CPS1: variants seen among roughly 807,000 people sequenced by gnomAD.
The protein encoded by CPS1 is carbamoyl-phosphate synthase 1.
Under a neutral mutation model 174.6 loss-of-function variants are expected in CPS1, and 109 were observed. The ratio of observed to expected loss-of-function variants is 0.62; its 90% CI spans 0.53 to 0.73. The LOEUF (loss-of-function observed/expected upper bound fraction) is 0.73, where lower values mean the gene tolerates loss of function less well. CPS1 is among the 30% of genes least tolerant of loss of function. CPS1 has a pLI of 0.00. For missense variants in CPS1, 1,689 were observed against 1,821.9 expected, an observed-to-expected ratio of 0.93 and a Z score of 1.33; for synonymous variants, 637 against 632.0, an observed-to-expected ratio of 1.01 and a Z score of -0.12.
chr2:210,590,289 C>G (rs190312241), intron 8 of CPS1, 55 bp downstream of exon 8: 20 of 1,610,026 alleles, frequency 1.2e-5, no homozygotes, highest in African/African-American at 4.0e-5. Context: ...GGCTTCCGCT[C>G]TATACCCTCA....
At chr2:210,478,766 G>A in intron 1 of CPS1, among the ~76,000 whole-genome samples, 1 of 152,138 alleles carries the variant, frequency 6.6e-6, no homozygotes, top group South Asian at 2.1e-4. Context: ...TTTATCTGGA[G>A]TTTACTTCTG....
At chr2:210,636,167 A>T (rs1433169574) in intron 21 of CPS1, among the ~76,000 whole-genome samples, 1 of 152,214 alleles carries the variant, frequency 6.6e-6, no homozygotes, top group African/African-American at 2.4e-5. Context: ...ATTAACAATT[A>T]CATGAAATAG....
chr2:210,580,637 G>A (rs184762536), intron 5 of CPS1, among the ~76,000 whole-genome samples: 546 of 152,052 alleles, frequency 3.6e-3, no homozygotes, highest in African/African-American at 0.013. Context: ...TGAGGCAAAC[G>A]GATCACTTGA....
chr2:210,528,713 G>T (rs1696038258), intron 1 of CPS1, among the ~76,000 whole-genome samples: 1 of 151,730 alleles, frequency 6.6e-6, no homozygotes, highest in Admixed American at 6.6e-5. Context: ...TCATGAGTGT[G>T]GGGGAGGCAG....
At chr2:210,553,099 T>C (rs1696772909), upstream of CPS1, among the ~76,000 whole-genome samples, 1 of 151,722 alleles carries the variant, frequency 6.6e-6, no homozygotes, top group African/African-American at 2.4e-5. Flanking sequence ...AAATGGAATA[T>C]TTTGTAATCA....
chr2:210,512,694 C>A (rs1695530234), intron 1 of CPS1, among the ~76,000 whole-genome samples: 1 of 129,548 alleles, frequency 7.7e-6, no homozygotes, highest in African/African-American at 2.9e-5. Flanking sequence ...TTTGGTAGAA[C>A]AATTTATTTT....
chr2:210,614,857 G>A (rs1194076291), intron 20 of CPS1, among the ~76,000 whole-genome samples: 3 of 151,668 alleles, frequency 2.0e-5, no homozygotes, highest in Non-Finnish European at 4.4e-5. Context: ...GCACAGGGAG[G>A]GGAACATTTC....
At chr2:210,662,584 G>T (rs963879418) in intron 32 of CPS1, among the ~76,000 whole-genome samples, 2 of 152,238 alleles carry the variant, frequency 1.3e-5, no homozygotes, top group African/African-American at 4.8e-5. Flanking sequence ...TCATATGAAA[G>T]TTCTGCACAA....
At chr2:210,577,812 T>A (rs938776990) in intron 4 of CPS1, among the ~76,000 whole-genome samples, 2 of 152,096 alleles carry the variant, frequency 1.3e-5, no homozygotes, top group East Asian at 3.9e-4. Flanking sequence ...AGCAATTGAG[T>A]CTTTTACTCT....
At chr2:210,597,829 T>TATATATATATATATATATATATATATAC (rs1559096946) in intron 13 of CPS1, among the ~76,000 whole-genome samples, 6 of 150,452 alleles carry the variant, frequency 4.0e-5, no homozygotes, top group African/African-American at 1.5e-4. Flanking sequence ...CCTTCATATA[T>TATATATATATATATATATATATATATAC]ATACACACAC....
rs80299657 is a variant in CPS1, at chr2:210,676,504, G to A, written c.4275-503G>A. 1.6e-3 allele frequency among the ~76,000 whole-genome samples: 236 copies of A among 152,216 alleles called. 1 individual carries two copies. The highest frequency in any genetic ancestry group is 5.5e-3 in the African/African-American group (227 of 41,538). ...TCTATGCAATATGTTATTTGTTAGC[G>A]TTCTTGAGAAACCAACACATAAATT... On this transcript the variant is annotated intron_variant, in intron 36 of 37. Transcript: ENST00000233072.
At chr2:210,669,953 G>T (rs905615806) in intron 34 of CPS1, among the ~76,000 whole-genome samples, 1 of 152,112 alleles carries the variant, frequency 6.6e-6, no homozygotes, top group African/African-American at 2.4e-5. Flanking sequence ...TTCTAGTGCT[G>T]CAGGGAAATG....
chr2:210,587,493 T>A (rs1698147584), intron 6 of CPS1, among the ~76,000 whole-genome samples: 1 of 152,080 alleles, frequency 6.6e-6, no homozygotes, highest in East Asian at 1.9e-4. Flanking sequence ...ATCTACCATT[T>A]AAATGCAAAC....
intron 15 of CPS1, among the ~76,000 whole-genome samples, chr2:210,601,131 A>G (rs577950768): frequency 1.3e-5 from 2 of 152,080 alleles, no homozygotes; most frequent in South Asian, 4.1e-4. Context: ...ACATTTTAGA[A>G]TAAAATGGAT....
At position 210,577,401 on chromosome 2, in the gene CPS1, A is replaced by G; in HGVS notation, c.382-20A>G. ...AATATCTTGTGATAACCTCTTTAAA[A>G]TGACTGTCTGTCTTTCTAGGTTTCA... On this transcript the variant is annotated intron_variant, in intron 3 of 37. Coordinates refer to ENST00000233072, the MANE Select transcript of CPS1 (RefSeq NM_001875.5). The G allele has an allele frequency of 3.1e-6, 5 of 1,587,544 alleles. No homozygotes were observed. The highest frequency in any genetic ancestry group is 3.5e-6 in the Non-Finnish European group (4 of 1,155,890).
intron 21 of CPS1, among the ~76,000 whole-genome samples, chr2:210,636,979 G>T (rs1346447465): frequency 6.6e-6 from 1 of 152,200 alleles, no homozygotes; most frequent in Non-Finnish European, 1.5e-5. Context: ...GTAAGTAGAG[G>T]TAATTTAGGG....
intron 1 of CPS1, among the ~76,000 whole-genome samples, chr2:210,483,009 T>G (rs551037759): frequency 1.3e-4 from 20 of 152,202 alleles, no homozygotes; most frequent in Non-Finnish European, 2.5e-4. Flanking sequence ...AAACATATTT[T>G]GCGCAGAATA....
chr2:210,591,867 A>G lies in CPS1; in HGVS notation c.984A>G (p.Lys328=), dbSNP rs1438636442. 2.5e-6 allele frequency: 4 copies of G among 1,612,588 alleles called. No individual in the cohort carries two copies. In the Admixed American group the frequency reaches 6.7e-5, roughly 27 times the overall value. ...AGCCTGTTTTGAATATCACAAACAA[A>G]CAGGCTTTCATTACTGCTCAGAATC... The part of the protein sequence containing the change: ...QNQPVLNITN[K]QAFITAQNHG... Residue 328 remains lysine (K), a synonymous_variant, in exon 10 of 38, where the codon AAA becomes AAG. Transcript: ENST00000233072.
chr2:210,570,638 C>G (rs974064988), intron 1 of CPS1, among the ~76,000 whole-genome samples: 2 of 151,886 alleles, frequency 1.3e-5, no homozygotes, highest in African/African-American at 4.8e-5. Context: ...ATTTTGCCAA[C>G]TAAATACAGT....
Sources: gnomAD v4.1 joint callset for allele counts (sites outside exome capture counted in the v4.1 genomes callset) on GRCh38, gnomAD v4.1.1 for gene constraint, MANE v1.5 for transcripts, NCBI Gene and HGNC (gene_info 2026-07-23, HGNC 2026-07-21) for gene names.